The following DNMT3B variants were observed in gnomAD, a reference collection of about 807,000 sequenced individuals.
DNMT3B encodes the protein DNA methyltransferase 3 beta, also known as DNA (cytosine-5)-methyltransferase 3B.
In DNMT3B, 37 loss-of-function variants were observed where a neutral mutation model predicts 120.2. The observed-to-expected ratio is 0.31, with a 90% CI of 0.24 to 0.40. DNMT3B has a LOEUF of 0.40. Among genes scored for constraint, DNMT3B ranks in the 10% least tolerant of loss-of-function variants. The pLI, the probability that DNMT3B is intolerant of heterozygous loss-of-function variation, is 1.00. For missense variants in DNMT3B, 878 were observed against 1,137.3 expected, an observed-to-expected ratio of 0.77 and a Z score of 3.28; for synonymous variants, 412 against 442.8, an observed-to-expected ratio of 0.93 and a Z score of 0.87.
intron 1 of DNMT3B, chr20:32,779,869 A>G: frequency 1.7e-6 from 1 of 598,758 alleles, no homozygotes; most frequent in South Asian, 2.0e-5. Context: ...GAGAGCAAAC[A>G]AAGGGGTCAG....
At chr20:32,805,226 C>A (rs116749344) in intron 20 of DNMT3B, 112 bp from the exon 21 acceptor site, 1 of 1,316,270 alleles carries the variant, frequency 7.6e-7, no homozygotes, top group African/African-American at 1.4e-5. Flanking sequence ...TTATTTGTAG[C>A]CAAGTTCACT....
intron 4 of DNMT3B, among the ~76,000 whole-genome samples, chr20:32,785,575 T>C (rs932965281): frequency 6.6e-6 from 1 of 152,190 alleles, no homozygotes; most frequent in African/African-American, 2.4e-5. Context: ...GACTGACAGT[T>C]ACTATCCCAG....
chr20:32,807,665 G>C, intron 22 of DNMT3B, 97 bp from the exon 23 acceptor site: 1 of 1,574,506 alleles, frequency 6.4e-7, no homozygotes, highest in Non-Finnish European at 8.7e-7. Flanking sequence ...GGGACTGAGG[G>C]ATGGCGAGGG....
At chr20:32,805,500 C>A in intron 21 of DNMT3B, 93 bp downstream of exon 21, 1 of 1,460,180 alleles carries the variant, frequency 6.8e-7, no homozygotes, top group Non-Finnish European at 9.5e-7. Context: ...GGTTCCTACT[C>A]CTCCCCCCAC....
intron 3 of DNMT3B, among the ~76,000 whole-genome samples, chr20:32,781,984 A>C (rs375612968): frequency 3.3e-5 from 5 of 152,220 alleles, no homozygotes; most frequent in African/African-American, 1.2e-4. Flanking sequence ...TGCCAAAGAG[A>C]AGCCATGAAG....
intron 5 of DNMT3B, 60 bp downstream of exon 5, chr20:32,786,687 C>G: frequency 1.9e-6 from 3 of 1,609,754 alleles, no homozygotes; most frequent in Middle Eastern, 1.7e-4. Context: ...ATATGCCTCA[C>G]TCACTGCACT....
chr20:32,788,420 CATGT>C (rs1271016467), intron 6 of DNMT3B, among the ~76,000 whole-genome samples: 1 of 152,164 alleles, frequency 6.6e-6, no homozygotes, highest in African/African-American at 2.4e-5. Flanking sequence ...ACTCCTTACA[CATGT>C]ATGTATTTAT....
intron 1 of DNMT3B, among the ~76,000 whole-genome samples, chr20:32,775,375 A>G (rs1051952331): frequency 6.6e-6 from 1 of 152,210 alleles, no homozygotes; most frequent in African/African-American, 2.4e-5. Flanking sequence ...TGCTGGTATC[A>G]GCCTGGAGGA....
In DNMT3B at chr20:32,791,691, A is replaced by G. The variant is rs768136416; in HGVS notation, c.904A>G (p.Met302Val). ...FNKLVSYRKA[M>V]YHALEKARVR... is the part of the protein sequence containing the mutation. ...TAAGCTCGTCTCCTATCGAAAAGCC[A>G]TGTACCATGCTCTGGAGGTAACATG... Residue 302 changes from methionine (M) to valine (V), a missense_variant, in exon 8 of 23, where the codon ATG becomes GTG. Around this residue, in one of 4 missense-constraint regions of DNMT3B, gnomAD observed 207 missense variants for 222.6 expected, o/e 0.93. Coordinates refer to ENST00000328111, the MANE Select transcript of DNMT3B (RefSeq NM_006892.4). 2 of 1,614,064 alleles carry G rather than the reference A, an allele frequency of 1.2e-6. No homozygotes were observed. Among genetic ancestry groups the G allele is most frequent in the Non-Finnish European group, 1.7e-6 (2 of 1,179,926 alleles).
intron 1 of DNMT3B, among the ~76,000 whole-genome samples, chr20:32,767,725 C>T (rs916830462): frequency 6.6e-6 from 1 of 152,180 alleles, no homozygotes; most frequent in South Asian, 2.1e-4. Flanking sequence ...TGAGCCTGTG[C>T]GCCCAGCTGT....
At chr20:32,797,073 C>A in intron 13 of DNMT3B, 114 bp from the exon 14 acceptor site, 1 of 1,604,770 alleles carries the variant, frequency 6.2e-7, no homozygotes, top group Non-Finnish European at 8.5e-7. Context: ...TTAAAGGACA[C>A]CAAGCCACCA....
Position 32,802,423 on chromosome 20 carries a change from T to G in DNMT3B, c.2184T>G (p.Ala728=). Residue 728 remains alanine (A), a synonymous_variant, in exon 20 of 23, where the codon GCT becomes GCG. Coordinates refer to ENST00000328111, the MANE Select transcript of DNMT3B (RefSeq NM_006892.4). ...PVMIDAIKVS[A]AHRARYFWGN... is the part of the protein sequence containing the mutation. Reference sequence around the variant, plus strand: ...TGATTGATGCCATCAAAGTTTCTGCTGCTCACAGGGCCCGATACTTCTGGG... The same window carrying G: ...TGATTGATGCCATCAAAGTTTCTGCGGCTCACAGGGCCCGATACTTCTGGG... The G allele has an allele frequency of 6.2e-7, 1 of 1,614,198 alleles. No individual in the cohort carries two copies. The highest frequency in any genetic ancestry group is 2.2e-5 in the East Asian group (1 of 44,878).
At chr20:32,762,860 G>C (rs1987057652) in intron 1 of DNMT3B, among the ~76,000 whole-genome samples, 161 bp downstream of exon 1, 1 of 152,064 alleles carries the variant, frequency 6.6e-6, no homozygotes, top group Non-Finnish European at 1.5e-5. Context: ...TGGGTTTGCG[G>C]GGTGAGGAAA....
chr20:32,777,999 A>G (rs1988151071), intron 1 of DNMT3B, among the ~76,000 whole-genome samples: 1 of 152,228 alleles, frequency 6.6e-6, no homozygotes, highest in Non-Finnish European at 1.5e-5. Context: ...TAACATGCAT[A>G]TTAATCACCT....
chr20:32,776,363 A>G (rs1369253776), intron 1 of DNMT3B, among the ~76,000 whole-genome samples: 1 of 151,954 alleles, frequency 6.6e-6, no homozygotes, highest in Non-Finnish European at 1.5e-5. Flanking sequence ...CATGTCTGCC[A>G]CTCTGGATAG....
rs1987027096 is a variant in DNMT3B at position 32,762,565 on chromosome 20, A to G, written c.-141A>G. ...GGCAGCGCTGGGGTTAAGTGGCCCA[A>G]GTAAACCTAGCTCGGCGATCGGCGC... On this transcript the variant is annotated 5_prime_UTR_variant, in exon 1 of 23. Coordinates refer to ENST00000328111, the MANE Select transcript of DNMT3B (RefSeq NM_006892.4). 1 of 354,946 alleles carries G rather than the reference A, an allele frequency of 2.8e-6. No individual in the cohort carries two copies. The highest frequency in any genetic ancestry group is 2.1e-5 in the South Asian group (1 of 47,940). The allele number at this position is 354,946 out of a possible 1,614,324, so 22.0% of individuals were successfully genotyped here.
chr20:32,797,212 T>C lies in DNMT3B; in HGVS notation c.1403T>C (p.Met468Thr), dbSNP rs189867424. ...GATCGCTTCCTTGAGCTGTTTTACA[T>C]GTATGATGACGATGGCTATCAGTCT... Reference protein sequence around the residue: ...CRDRFLELFYMYDDDGYQSYC... With the variant: ...CRDRFLELFYTYDDDGYQSYC... Residue 468 changes from methionine to threonine, a missense_variant, in exon 14 of 23, where the codon ATG (methionine) becomes ACG (threonine). By Grantham distance (81) the Met-to-Thr change is moderately conservative. This residue lies in a region of DNMT3B where 334 missense variants were observed against 518.8 expected (regional missense o/e 0.64). Coordinates refer to ENST00000328111, the MANE Select transcript of DNMT3B (RefSeq NM_006892.4). 4 of 1,614,152 alleles carry C rather than the reference T, an allele frequency of 2.5e-6. No homozygotes were observed. Among genetic ancestry groups the C allele is most frequent in the East Asian group, 4.5e-5 (2 of 44,890 alleles).
intron 11 of DNMT3B, 24 bp from the exon 12 acceptor site, chr20:32,795,626 C>T: frequency 6.2e-7 from 1 of 1,614,222 alleles, no homozygotes; most frequent in South Asian, 1.1e-5. Context: ...GACCTCATCT[C>T]ATGCCTTCTT....
chr20:32,780,576 C>G, intron 2 of DNMT3B, 111 bp downstream of exon 2: 2 of 1,496,310 alleles, frequency 1.3e-6, no homozygotes, highest in Non-Finnish European at 1.8e-6. Context: ...CCACAATTCC[C>G]CGGGAGGGAA....
Sources: gnomAD v4.1 joint callset for allele counts (sites outside exome capture counted in the v4.1 genomes callset) on GRCh38, gnomAD v4.1.1 for gene constraint, gnomAD v4.1.1 regional missense constraint, MANE v1.5 for transcripts, NCBI Gene and HGNC (gene_info 2026-07-23, HGNC 2026-07-21) for gene names.